PTPRK: variants seen among roughly 807,000 people sequenced by gnomAD.
PTPRK encodes the protein receptor-type tyrosine-protein phosphatase kappa.
In PTPRK, 75 loss-of-function variants were observed where a neutral mutation model predicts 178.0. The observed-to-expected ratio is 0.42, with a 90% CI of 0.35 to 0.51. The LOEUF (loss-of-function observed/expected upper bound fraction) is 0.51. PTPRK is among the 20% of genes least tolerant of loss of function. The probability of loss-of-function intolerance (pLI) is 0.02; values close to 1 mark genes in which losing one functional copy is unlikely to be tolerated. For missense variants in PTPRK, 1,441 were observed against 1,797.8 expected (o/e 0.80, Z 3.59); for synonymous variants, 637 against 620.6 (o/e 1.03, Z -0.39).
intron 2 of PTPRK, among the ~76,000 whole-genome samples, chr6:128,366,726 G>T (rs79811837): frequency 1.8e-3 from 274 of 152,244 alleles, no homozygotes; most frequent in Non-Finnish European, 2.7e-3. Context: ...TGAGGATGTG[G>T]AGGCATGTCA....
intron 7 of PTPRK, among the ~76,000 whole-genome samples, chr6:128,100,394 A>G (rs766179908): frequency 2.0e-5 from 3 of 151,978 alleles, no homozygotes; most frequent in Non-Finnish European, 4.4e-5. Flanking sequence ...GACTATTAAA[A>G]TCATAGCAAA....
intron 2 of PTPRK, among the ~76,000 whole-genome samples, chr6:128,384,707 T>C (rs757050799): frequency 2.0e-5 from 3 of 152,304 alleles, no homozygotes; most frequent in South Asian, 2.1e-4. Context: ...AAGAAATACA[T>C]TGAATACAAG....
chr6:128,347,032 A>G (rs1198093201), intron 2 of PTPRK, among the ~76,000 whole-genome samples: 1 of 152,228 alleles, frequency 6.6e-6, no homozygotes, highest in Non-Finnish European at 1.5e-5. Context: ...TTGTATTGAC[A>G]GCAAAAGAAA....
At chr6:128,030,757 T>C (rs1217519266) in intron 13 of PTPRK, among the ~76,000 whole-genome samples, 1 of 152,206 alleles carries the variant, frequency 6.6e-6, no homozygotes, top group Non-Finnish European at 1.5e-5. Flanking sequence ...CTTGCTTTTT[T>C]TCCCCCAAGT....
chr6:128,191,980 C>T (rs746060839), intron 6 of PTPRK, among the ~76,000 whole-genome samples: 1 of 152,106 alleles, frequency 6.6e-6, no homozygotes, highest in Non-Finnish European at 1.5e-5. Flanking sequence ...GGGAAATGGG[C>T]ATGTGACTAC....
chr6:127,998,840 C>G lies in PTPRK; in HGVS notation c.2559G>C (p.Glu853Asp). ...CTGTCTGGTAAGGGGATTCCGTCCC[C>G]TCACAGAGGTAGCGAGGTACGTCTA... Reference protein sequence around the residue: ...RLLDVPRYLCEGTESPYQTGQ... With the variant: ...RLLDVPRYLCDGTESPYQTGQ... Residue 853 changes from glutamate (E) to aspartate (D), a missense_variant, in exon 16 of 30, where the codon GAG becomes GAC. Coordinates refer to ENST00000368226, the MANE Select transcript of PTPRK (RefSeq NM_002844.4). 1.9e-6 allele frequency: 3 copies of G among 1,607,956 alleles called. No homozygotes were observed. Among genetic ancestry groups the G allele is most frequent in the Non-Finnish European group, 2.6e-6 (3 of 1,176,146 alleles).
chr6:128,281,606 T>C (rs1164682799), intron 3 of PTPRK, among the ~76,000 whole-genome samples: 1 of 152,134 alleles, frequency 6.6e-6, no homozygotes, highest in Non-Finnish European at 1.5e-5. Context: ...GTATACATAT[T>C]TTGTTACTTT....
intron 7 of PTPRK, among the ~76,000 whole-genome samples, chr6:128,135,834 A>AAAAAAT (rs1383897385): frequency 6.6e-6 from 1 of 151,800 alleles, no homozygotes; most frequent in Non-Finnish European, 1.5e-5. Context: ...AAAAAATAAA[A>AAAAAAT]AAAAATAAAA....
At chr6:128,193,915 TA>T (rs1389001390) in intron 6 of PTPRK, among the ~76,000 whole-genome samples, 1 of 151,946 alleles carries the variant, frequency 6.6e-6, no homozygotes, top group Non-Finnish European at 1.5e-5. Flanking sequence ...GATGGAATTT[TA>T]AAAAGTAAGT....
intron 2 of PTPRK, among the ~76,000 whole-genome samples, chr6:128,390,153 A>G (rs1839350118): frequency 6.6e-6 from 1 of 152,134 alleles, no homozygotes; most frequent in Non-Finnish European, 1.5e-5. Flanking sequence ...CCTCACTGCA[A>G]ACAAAGACTT....
intron 5 of PTPRK, among the ~76,000 whole-genome samples, chr6:128,226,947 T>C (rs1272348475): frequency 6.6e-6 from 1 of 151,886 alleles, no homozygotes; most frequent in African/African-American, 2.4e-5. Context: ...CTGGGTTTAC[T>C]GAAATTTATT....
chr6:128,185,957 T>C (rs1449592201), intron 6 of PTPRK, among the ~76,000 whole-genome samples: 2 of 152,172 alleles, frequency 1.3e-5, no homozygotes, highest in Non-Finnish European at 2.9e-5. Flanking sequence ...ATTTTCTTTT[T>C]AACCCTGATT....
intron 6 of PTPRK, among the ~76,000 whole-genome samples, chr6:128,187,071 A>G (rs187784311): frequency 1.1e-3 from 163 of 152,264 alleles, no homozygotes; most frequent in African/African-American, 3.8e-3. Flanking sequence ...TGAATTATAT[A>G]TAACAAACCT....
intron 13 of PTPRK, among the ~76,000 whole-genome samples, chr6:128,063,282 T>C (rs1781177901): frequency 1.3e-5 from 2 of 152,170 alleles, no homozygotes; most frequent in South Asian, 4.1e-4. Context: ...GTTTCCAGGA[T>C]CTCAATCCTC....
intron 7 of PTPRK, among the ~76,000 whole-genome samples, chr6:128,144,642 T>C (rs956937688): frequency 6.6e-6 from 1 of 152,182 alleles, no homozygotes. Context: ...AAAATTCACA[T>C]GGCATTCTTA....
At chr6:127,991,266 A>G in intron 20 of PTPRK, 28 bp downstream of exon 20, 1 of 1,523,354 alleles carries the variant, frequency 6.6e-7, no homozygotes, top group African/African-American at 1.4e-5. Context: ...CATTTTTATG[A>G]CAAAAAAATT....
At chr6:128,196,604 TAGTTCTATAATCCA>T in intron 6 of PTPRK, among the ~76,000 whole-genome samples, 1 of 152,250 alleles carries the variant, frequency 6.6e-6, no homozygotes, top group South Asian at 2.1e-4. Flanking sequence ...AAGGGAGTCC[TAGTTCTATAATCCA>T]ACATGCACAG....
In PTPRK at chr6:127,992,179, T is replaced by G. The variant is rs565509209; in HGVS notation, c.2881+494A>C. ...TACCACTATAACAAGATCTCTCTAC[T>G]GTCTTATTATATTCCATGAAGAATT... On this transcript the variant is annotated intron_variant, in intron 19 of 29. Transcript: ENST00000368226. 7.9e-5 allele frequency among the ~76,000 whole-genome samples: 12 copies of G among 151,940 alleles called. No individual in the cohort carries two copies. In the South Asian group the frequency reaches 1.9e-3, roughly 24 times the overall value.
At chr6:128,029,834 G>A (rs562952650) in intron 13 of PTPRK, among the ~76,000 whole-genome samples, 108 of 152,162 alleles carry the variant, frequency 7.1e-4, no homozygotes, top group Middle Eastern at 6.8e-3. Flanking sequence ...AAAGATAAAA[G>A]AAGAAAGAAT....
Sources: allele counts gnomAD v4.1 joint callset (sites outside exome capture counted in the v4.1 genomes callset), GRCh38; gene constraint gnomAD v4.1.1; transcripts MANE v1.5; gene names NCBI Gene and HGNC (gene_info 2026-07-23, HGNC 2026-07-21).